Variants in JARID2 observed in about 807,000 individuals in gnomAD.
The protein encoded by JARID2 is protein Jumonji.
A neutral mutation model predicts 125.6 loss-of-function variants in JARID2; 21 were observed. That is an observed-to-expected ratio of 0.17 (90% CI 0.12 to 0.24). The LOEUF is 0.24. JARID2 is among the 10% of genes least tolerant of loss of function. The pLI, the probability that JARID2 is intolerant of heterozygous loss-of-function variation, is 1.00. For synonymous variants in JARID2, 736 were observed against 661.6 expected (o/e 1.11, Z -1.73); for missense variants, 1,303 against 1,639.6 (o/e 0.79, Z 3.55).
intron 1 of JARID2, among the ~76,000 whole-genome samples, chr6:15,319,198 C>G (rs1019643790): frequency 2.0e-5 from 3 of 152,164 alleles, no homozygotes; most frequent in Admixed American, 1.3e-4. Flanking sequence ...ATCAAAGATT[C>G]ATTAGATGAG....
intron 1 of JARID2, among the ~76,000 whole-genome samples, chr6:15,319,490 C>T (rs1052260624): frequency 2.0e-5 from 3 of 152,104 alleles, no homozygotes; most frequent in Non-Finnish European, 2.9e-5. Context: ...CTCTGCCTCC[C>T]GTGTTCAAGC....
Position 15,500,871 on chromosome 6 carries a change from C to G in JARID2, c.1946-36C>G, listed in dbSNP as rs370520872. The G allele has an allele frequency of 2.6e-6, 4 of 1,555,210 alleles. No homozygotes were observed. In the African/African-American group the frequency reaches 5.5e-5, roughly 21 times the overall value. On this transcript the variant is annotated intron_variant, in intron 7 of 17. Coordinates refer to ENST00000341776, the MANE Select transcript of JARID2 (RefSeq NM_004973.4). ...GAACATCTTGTTCGTGTCTCTTTCA[C>G]TAACTGTCCCGTTTTTTTCCCCTTC...
At chr6:15,255,736 A>G (rs1276293175) in intron 1 of JARID2, among the ~76,000 whole-genome samples, 1 of 152,162 alleles carries the variant, frequency 6.6e-6, no homozygotes, top group Non-Finnish European at 1.5e-5. Flanking sequence ...AGGGCTGAGC[A>G]TGTGTTTCTT....
In JARID2 at chr6:15,289,274, A is replaced by G. The variant is rs117794856; in HGVS notation, c.45+42690A>G. 6.7e-4 allele frequency among the ~76,000 whole-genome samples: 102 copies of G among 152,348 alleles called. No individual in the cohort carries two copies. In the East Asian group the frequency reaches 0.015, roughly 22 times the overall value. On this transcript the variant is annotated intron_variant, in intron 1 of 17. Transcript: ENST00000341776. ...TAAAAAAGAATAATGAAAAATAGTTAAGAATGGTGCATGCAGAACACTGTC... is the reference window on the plus strand; with the variant it reads ...TAAAAAAGAATAATGAAAAATAGTTGAGAATGGTGCATGCAGAACACTGTC...
intron 1 of JARID2, among the ~76,000 whole-genome samples, chr6:15,362,137 C>G (rs966690751): frequency 6.6e-6 from 1 of 151,894 alleles, no homozygotes; most frequent in African/African-American, 2.4e-5. Context: ...TCTGCGCCCC[C>G]CCCGCCTCCC....
intron 4 of JARID2, 44 bp downstream of exon 4, chr6:15,452,219 A>C: frequency 6.2e-7 from 1 of 1,605,340 alleles, no homozygotes; most frequent in South Asian, 1.1e-5. Flanking sequence ...TGGAATCTAC[A>C]TGTAAGCCTG....
chr6:15,298,288 T>C (rs2127406477), intron 1 of JARID2, among the ~76,000 whole-genome samples: 1 of 152,312 alleles, frequency 6.6e-6, no homozygotes, highest in African/African-American at 2.4e-5. Flanking sequence ...AAGAAAATAT[T>C]TTCGCGAGAA....
intron 1 of JARID2, among the ~76,000 whole-genome samples, chr6:15,309,461 T>C (rs952909804): frequency 2.0e-5 from 3 of 152,148 alleles, no homozygotes; most frequent in South Asian, 4.2e-4. Flanking sequence ...CAGTGAAAAA[T>C]GGAAACCAAT....
chr6:15,298,231 G>C (rs1462991749), intron 1 of JARID2, among the ~76,000 whole-genome samples: 2 of 152,158 alleles, frequency 1.3e-5, no homozygotes, highest in African/African-American at 4.8e-5. Flanking sequence ...TCTGGATTCC[G>C]CTCTCCTATG....
intron 6 of JARID2, among the ~76,000 whole-genome samples, chr6:15,493,944 G>A (rs1256058766): frequency 2.6e-5 from 4 of 151,898 alleles, no homozygotes; most frequent in South Asian, 2.1e-4. Flanking sequence ...AAAGGGTTTC[G>A]CATTATTTAT....
At chr6:15,296,833 A>T (rs1459286257) in intron 1 of JARID2, among the ~76,000 whole-genome samples, 2 of 152,128 alleles carry the variant, frequency 1.3e-5, no homozygotes, top group East Asian at 3.9e-4. Context: ...TGATCACTTT[A>T]TGGTTTTTGA....
intron 3 of JARID2, among the ~76,000 whole-genome samples, chr6:15,419,875 G>A (rs1766407632): frequency 6.6e-6 from 1 of 152,194 alleles, no homozygotes; most frequent in South Asian, 2.1e-4. Flanking sequence ...GATTCATTGA[G>A]TGTATTAGGT....
chr6:15,249,066 A>G (rs1759329873), intron 1 of JARID2: 1 of 525,984 alleles, frequency 1.9e-6, no homozygotes, highest in Non-Finnish European at 2.4e-6. Flanking sequence ...TCCTTTCTGC[A>G]GGAATGTTTT....
chr6:15,477,380 G>A (rs377492512), intron 5 of JARID2, among the ~76,000 whole-genome samples: 13 of 151,626 alleles, frequency 8.6e-5, no homozygotes, highest in African/African-American at 2.7e-4. Flanking sequence ...GACAAATGCC[G>A]CCTCCCCGCC....
intron 3 of JARID2, among the ~76,000 whole-genome samples, chr6:15,416,850 A>T (rs1464087752): frequency 1.3e-5 from 2 of 151,986 alleles, no homozygotes; most frequent in African/African-American, 4.8e-5. Flanking sequence ...CTTTTATTCC[A>T]CTCAGTTCTT....
intron 11 of JARID2, among the ~76,000 whole-genome samples, chr6:15,508,117 G>C (rs1178361435): frequency 2.0e-5 from 3 of 152,234 alleles, no homozygotes. Flanking sequence ...TCCCTCATGA[G>C]GCCGACGTGC....
At chr6:15,476,932 A>T (rs1478518505) in intron 5 of JARID2, among the ~76,000 whole-genome samples, 2 of 152,120 alleles carry the variant, frequency 1.3e-5, no homozygotes, top group Non-Finnish European at 2.9e-5. Context: ...ATGCCTTTGG[A>T]ATGAGTTTAC....
intron 1 of JARID2, among the ~76,000 whole-genome samples, chr6:15,274,191 A>C (rs1354144886): frequency 6.6e-6 from 1 of 152,104 alleles, no homozygotes; most frequent in Non-Finnish European, 1.5e-5. Context: ...TGGCCTCCCA[A>C]AGTGCTGGGA....
chr6:15,316,139 A>C (rs530460782), intron 1 of JARID2, among the ~76,000 whole-genome samples: 1 of 152,096 alleles, frequency 6.6e-6, no homozygotes, highest in South Asian at 2.1e-4. Flanking sequence ...TTTTTTTGAC[A>C]TGGAGTCTCA....
Sources: allele counts gnomAD v4.1 joint callset (sites outside exome capture counted in the v4.1 genomes callset), GRCh38; gene constraint gnomAD v4.1.1; transcripts MANE v1.5; gene names NCBI Gene and HGNC (gene_info 2026-07-23, HGNC 2026-07-21).